TNS1: variants seen among roughly 807,000 people sequenced by gnomAD.
TNS1 encodes the protein tensin 1.
Under a neutral mutation model 168.6 loss-of-function variants are expected in TNS1, and 62 were observed. The ratio of observed to expected loss-of-function variants is 0.37; its 90% CI spans 0.30 to 0.45. The LOEUF is 0.45. Among genes scored for constraint, TNS1 ranks in the 20% least tolerant of loss-of-function variants. The probability of loss-of-function intolerance (pLI) is 1.00; values close to 1 mark genes in which losing one functional copy is unlikely to be tolerated. For synonymous variants in TNS1, 934 were observed against 933.2 expected (o/e 1.00, Z -0.02); for missense variants, 2,240 against 2,339.4 (o/e 0.96, Z 0.88).
At chr2:217,865,697 C>T (rs1456104053) in intron 18 of TNS1, among the ~76,000 whole-genome samples, 2 of 152,174 alleles carry the variant, frequency 1.3e-5, no homozygotes, top group Non-Finnish European at 2.9e-5. Flanking sequence ...TCCCAGGGCA[C>T]AGGGAGATAA....
At chr2:217,970,622 A>G (rs1459965873) in intron 3 of TNS1, among the ~76,000 whole-genome samples, 1 of 152,256 alleles carries the variant, frequency 6.6e-6, no homozygotes, top group Non-Finnish European at 1.5e-5. Flanking sequence ...AAGAAAAAGA[A>G]GCCAGTCTTG....
rs1553565689 is a variant in TNS1, at chr2:217,851,467, A to ACACG, written c.1430-2381_1430-2380insCGTG. On this transcript the variant is annotated intron_variant, in intron 18 of 32. Coordinates refer to ENST00000682258, the MANE Select transcript of TNS1 (RefSeq NM_001387777.1). Reference sequence around the variant, plus strand: ...CACACACACACACACACACACACACACACACACCCCAGGGACTGGATGCCC... The same window carrying ACACG: ...CACACACACACACACACACACACACACACGCACACACCCCAGGGACTGGATGCCC... Among the ~76,000 whole-genome samples the ACACG allele has an allele frequency of 4.2e-4, 64 of 151,582 alleles. 2 individuals carry two copies. The highest frequency in any genetic ancestry group is 5.9e-4 in the East Asian group (3 of 5,110).
intron 3 of TNS1, among the ~76,000 whole-genome samples, chr2:217,950,607 A>C (rs565607729): frequency 1.4e-5 from 2 of 141,166 alleles, no homozygotes; most frequent in South Asian, 2.4e-4. Context: ...GCTGGTTCCC[A>C]CTCCCTAGGC....
intron 18 of TNS1, 109 bp from the exon 19 acceptor site, chr2:217,849,196 A>G (rs1409669938): frequency 1.5e-6 from 2 of 1,347,698 alleles, no homozygotes; most frequent in African/African-American, 2.9e-5. Flanking sequence ...CATGCCCTGC[A>G]TCCTAAAACC....
At chr2:217,954,100 C>T (rs1957304619) in intron 3 of TNS1, among the ~76,000 whole-genome samples, 1 of 152,222 alleles carries the variant, frequency 6.6e-6, no homozygotes, top group African/African-American at 2.4e-5. Flanking sequence ...ATAAGCCCGC[C>T]AGGCTCTCCT....
At chr2:217,879,956 G>T (rs1346382640) in intron 18 of TNS1, among the ~76,000 whole-genome samples, 1 of 152,212 alleles carries the variant, frequency 6.6e-6, no homozygotes, top group East Asian at 1.9e-4. Flanking sequence ...TGGGTCACGG[G>T]GGTAAATCAG....
intron 3 of TNS1, among the ~76,000 whole-genome samples, chr2:217,953,127 G>A (rs1375483218): frequency 1.3e-5 from 2 of 152,242 alleles, no homozygotes; most frequent in African/African-American, 2.4e-5. Context: ...TGTCCATGAG[G>A]AGGGAAAGAG....
chr2:217,812,330 A>G (rs1410600404), intron 28 of TNS1, 38 bp downstream of exon 28: 1 of 1,577,702 alleles, frequency 6.3e-7, no homozygotes, highest in African/African-American at 1.3e-5. Flanking sequence ...GGCCAGCTCA[A>G]GGGTGTGGGT....
At position 218,032,995 on chromosome 2, in the gene TNS1, C is replaced by T. The variant is rs1958910114; in HGVS notation, c.156+825G>A. On this transcript the variant is annotated intron_variant, in intron 1 of 1. Transcript: ENST00000649572. This position sits in a 1 kb window ranked among gnomAD's most constrained non-coding sequence, Gnocchi z 4.0. The stretch of plus-strand genomic sequence containing the variant: ...TCCTCCCTCCATCACAGCCCCACTC[C>T]CTGTCCCTGTCCCTGCCCACCTTTA... Among the ~76,000 whole-genome samples, 1 of 152,210 alleles carries T rather than the reference C, an allele frequency of 6.6e-6. No homozygotes were observed. Among genetic ancestry groups the T allele is most frequent in the African/African-American group, 2.4e-5 (1 of 41,440 alleles).
In TNS1 at chr2:217,956,549, T is replaced by C. The variant is rs1957367976; in HGVS notation, c.186+22216A>G. ...GCTGGAAAGTCCTGTGGGATCCTGG[T>C]GGTCCTAGAGAACAGCCCTCGCTTC... On this transcript the variant is annotated intron_variant, in intron 3 of 32. Coordinates refer to ENST00000682258, the MANE Select transcript of TNS1 (RefSeq NM_001387777.1). Among the ~76,000 whole-genome samples, 3 of 152,234 alleles carry C rather than the reference T, an allele frequency of 2.0e-5. No individual in the cohort carries two copies. The South Asian group carries it at 6.2e-4, about 32-fold the overall frequency.
chr2:217,950,893 C>T (rs1301761476), intron 3 of TNS1, among the ~76,000 whole-genome samples: 1 of 151,932 alleles, frequency 6.6e-6, no homozygotes, highest in Non-Finnish European at 1.5e-5. Context: ...CAGGGCTCTG[C>T]TCATGGCCAA....
intron 22 of TNS1, 30 bp downstream of exon 22, chr2:217,831,425 C>A: frequency 6.5e-7 from 1 of 1,541,092 alleles, no homozygotes; most frequent in African/African-American, 1.4e-5. Context: ...CCCCTGGCCC[C>A]CCTCCCCATC....
At chr2:217,934,333 C>T (rs1213288338) in intron 3 of TNS1, among the ~76,000 whole-genome samples, 1 of 152,046 alleles carries the variant, frequency 6.6e-6, no homozygotes, top group Non-Finnish European at 1.5e-5. Context: ...TGGCCGGGAC[C>T]CCCAGCTCCT....
At chr2:217,863,376 C>T (rs1025278563) in intron 18 of TNS1, among the ~76,000 whole-genome samples, 7 of 152,282 alleles carry the variant, frequency 4.6e-5, no homozygotes, top group Middle Eastern at 6.8e-3. Context: ...GGAGGAAATA[C>T]TACTGGTGTC....
At position 218,033,600 on chromosome 2, in the gene TNS1, A is replaced by C. The variant is rs965078252; in HGVS notation, c.156+220T>G. Among the ~76,000 whole-genome samples, 1 of 152,002 alleles carries C rather than the reference A, an allele frequency of 6.6e-6. No homozygotes were observed. The highest frequency in any genetic ancestry group is 1.5e-5 in the Non-Finnish European group (1 of 67,964). On this transcript the variant is annotated intron_variant, in intron 1 of 1. Coordinates refer to the TNS1 transcript ENST00000649572. This position sits in a 1 kb window ranked among gnomAD's most constrained non-coding sequence, Gnocchi z 4.3. ...TCAGGTCCTATATCACCCTCCTCCC[A>C]AGGGCACAAGAGACCCAGGGGAGCC...
intron 3 of TNS1, among the ~76,000 whole-genome samples, chr2:217,970,188 G>A (rs987723735): frequency 6.6e-6 from 1 of 152,220 alleles, no homozygotes; most frequent in Non-Finnish European, 1.5e-5. Context: ...TTCAGAGGGA[G>A]CACAGGCCTG....
chr2:217,983,409 C>G (rs1295448219), intron 2 of TNS1, among the ~76,000 whole-genome samples: 1 of 152,176 alleles, frequency 6.6e-6, no homozygotes, highest in Admixed American at 6.5e-5. Context: ...TCTCTGCCCA[C>G]GATGTCAGCA....
At chr2:218,028,553 C>T (rs966645688) in intron 1 of TNS1, among the ~76,000 whole-genome samples, 7 of 152,164 alleles carry the variant, frequency 4.6e-5, no homozygotes, top group African/African-American at 1.7e-4. Flanking sequence ...TGGCACTGGC[C>T]TGAAAACCCT....
intron 2 of TNS1, among the ~76,000 whole-genome samples, chr2:217,990,651 C>T (rs1259475839): frequency 6.6e-6 from 1 of 152,250 alleles, no homozygotes; most frequent in African/African-American, 2.4e-5. Flanking sequence ...TCACATGCCA[C>T]TCATATACCT....
Sources: gnomAD v4.1 joint callset for allele counts (sites outside exome capture counted in the v4.1 genomes callset) on GRCh38, gnomAD v4.1.1 for gene constraint, Gnocchi (gnomAD v3.1) non-coding constraint, MANE v1.5 for transcripts, NCBI Gene and HGNC (gene_info 2026-07-23, HGNC 2026-07-21) for gene names.